CRACDL: variants seen among roughly 807,000 people sequenced by gnomAD.
The protein encoded by CRACDL is CRACD-like protein.
CRACDL carries 26 observed loss-of-function variants against 70.6 expected under a neutral mutation model. That is an observed-to-expected ratio of 0.37 (90% confidence interval 0.27 to 0.51). The LOEUF is 0.51. Among genes scored for constraint, CRACDL ranks in the 20% least tolerant of loss-of-function variants. The probability of loss-of-function intolerance (pLI) is 0.94; values close to 1 mark genes in which losing one functional copy is unlikely to be tolerated. For missense variants in CRACDL, 1,283 were observed against 1,376.9 expected (o/e 0.93, Z 1.08); for synonymous variants, 618 against 615.2 (o/e 1.00, Z -0.07).
In CRACDL at chr2:98,907,849, G is replaced by C. The variant is rs76237320; in HGVS notation, c.-11+28089C>G. On this transcript the variant is annotated intron_variant, in intron 1 of 9. Transcript: ENST00000397899. The stretch of plus-strand genomic sequence containing the variant: ...TGATTACATTTTAAAAGGTGACTCT[G>C]GTTGCTGCATAGAAGAAACTGCCAG... Among the ~76,000 whole-genome samples, 559 of 152,314 alleles carry C rather than the reference G, an allele frequency of 3.7e-3. 19 individuals are homozygous for C. In the East Asian group the frequency reaches 0.074, roughly 20 times the overall value.
intron 2 of CRACDL, among the ~76,000 whole-genome samples, chr2:98,844,116 T>C (rs1165315220): frequency 6.6e-6 from 1 of 152,216 alleles, no homozygotes; most frequent in Non-Finnish European, 1.5e-5. Flanking sequence ...ATGTCTGTCT[T>C]CCATAACTGA....
intron 1 of CRACDL, among the ~76,000 whole-genome samples, chr2:98,915,502 G>C (rs915255799): frequency 6.6e-6 from 1 of 152,158 alleles, no homozygotes; most frequent in South Asian, 2.1e-4. Flanking sequence ...GGAGCTGCCT[G>C]GGTCTGTGCT....
chr2:98,827,870 G>A (rs2104486471), intron 5 of CRACDL, among the ~76,000 whole-genome samples: 1 of 152,292 alleles, frequency 6.6e-6, no homozygotes, highest in Middle Eastern at 3.4e-3. Flanking sequence ...AGGTTCAGAG[G>A]TGTGACTTTA....
At chr2:98,918,767 C>T (rs1708729860) in intron 1 of CRACDL, among the ~76,000 whole-genome samples, 2 of 151,844 alleles carry the variant, frequency 1.3e-5, no homozygotes, top group Admixed American at 1.3e-4. Flanking sequence ...TGTCCTTTGC[C>T]CATGTTTTAA....
chr2:98,935,002 A>G (rs1709171008), intron 1 of CRACDL, among the ~76,000 whole-genome samples: 1 of 152,144 alleles, frequency 6.6e-6, no homozygotes, highest in Admixed American at 6.5e-5. Context: ...TAACCTCAAT[A>G]GGTTCTTAGG....
chr2:98,901,949 C>T (rs909272713), intron 1 of CRACDL, among the ~76,000 whole-genome samples: 1 of 151,964 alleles, frequency 6.6e-6, no homozygotes, highest in Admixed American at 6.6e-5. Context: ...AGAGAAGCTG[C>T]GAACAAAGGT....
At chr2:98,812,526 TTAA>T (rs1244912931) in intron 7 of CRACDL, among the ~76,000 whole-genome samples, 2 of 152,324 alleles carry the variant, frequency 1.3e-5, no homozygotes, top group East Asian at 3.9e-4. Context: ...AATGGTATTA[TTAA>T]TATTTTTTGT....
Position 98,846,744 on chromosome 2 carries a change from C to T in CRACDL, c.57G>A (p.Gly19=). ...IKLREAAEGL[G]EDSTGKKKSK... is the part of the protein sequence containing the mutation. Reference sequence around the variant, plus strand: ...GCAGGGCCTTACCTGTGCTGTCCTCCCCAAGGCCTTCTGCAGCCTCCCGAA... The same window carrying T: ...GCAGGGCCTTACCTGTGCTGTCCTCTCCAAGGCCTTCTGCAGCCTCCCGAA... The change falls in exon 2 of 10, where the codon GGG becomes GGA. Residue 19 remains glycine (G), a synonymous_variant. Coordinates refer to ENST00000397899, the MANE Select transcript of CRACDL (RefSeq NM_207362.3). 5 of 1,614,132 alleles carry T rather than the reference C, an allele frequency of 3.1e-6. No individual in the cohort carries two copies. The highest frequency in any genetic ancestry group is 4.2e-6 in the Non-Finnish European group (5 of 1,179,934).
chr2:98,909,046 A>G (rs571832088), intron 1 of CRACDL, among the ~76,000 whole-genome samples: 2 of 152,354 alleles, frequency 1.3e-5, no homozygotes, highest in South Asian at 2.1e-4. Context: ...TACAGGATGT[A>G]TAAATGCGTC....
chr2:98,798,460 A>AT (rs1703934069), intron 7 of CRACDL, among the ~76,000 whole-genome samples: 6 of 149,734 alleles, frequency 4.0e-5, no homozygotes, highest in African/African-American at 7.3e-5. Flanking sequence ...AAAAAAAAAA[A>AT]AAAAAAAAAA....
Position 98,822,554 on chromosome 2 carries a change from C to T in CRACDL, c.1719G>A (p.Lys573=). ...RGGAELRGAK[K]FSVSSCRARP... is the part of the protein sequence containing the mutation. ...GCGCTCGGCACGAGGACACCGAGAA[C>T]TTCTTCGCGCCTCGCAGCTCGGCAC... is the stretch of plus-strand genomic sequence containing the variant. The change falls in exon 7 of 10, where the codon AAG becomes AAA. Residue 573 remains lysine, a synonymous_variant. Coordinates refer to ENST00000397899, the MANE Select transcript of CRACDL (RefSeq NM_207362.3). This position sits in a 1 kb window ranked among gnomAD's most constrained non-coding sequence, Gnocchi z 4.9. 6.1e-6 allele frequency: 9 copies of T among 1,466,938 alleles called. No homozygotes were observed. Among genetic ancestry groups the T allele is most frequent in the Non-Finnish European group, 8.1e-6 (9 of 1,117,014 alleles). 90.9% of individuals were successfully genotyped at this position (1,466,938 alleles called of 1,614,324 possible).
intron 1 of CRACDL, among the ~76,000 whole-genome samples, chr2:98,848,008 C>A (rs1279956300): frequency 6.6e-6 from 1 of 152,160 alleles, no homozygotes; most frequent in Non-Finnish European, 1.5e-5. Flanking sequence ...AATGTTCATA[C>A]AATTTGGCTT....
At chr2:98,881,308 G>A (rs1005123356) in intron 1 of CRACDL, among the ~76,000 whole-genome samples, 1 of 152,136 alleles carries the variant, frequency 6.6e-6, no homozygotes, top group African/African-American at 2.4e-5. Context: ...GGAGCAGGTC[G>A]GAGATGCAGA....
chr2:98,802,035 C>T (rs1400795443), intron 7 of CRACDL, among the ~76,000 whole-genome samples: 1 of 152,256 alleles, frequency 6.6e-6, no homozygotes, highest in African/African-American at 2.4e-5. Context: ...CAGCCTCTTG[C>T]AGGGTCAGGC....
At chr2:98,934,447 G>A (rs1387615096) in intron 1 of CRACDL, among the ~76,000 whole-genome samples, 6 of 151,964 alleles carry the variant, frequency 3.9e-5, no homozygotes, top group South Asian at 2.1e-4. Flanking sequence ...CACCTGCCTC[G>A]GCCTCCCAAA....
At chr2:98,898,456 G>C (rs1417419680) in intron 1 of CRACDL, among the ~76,000 whole-genome samples, 1 of 152,270 alleles carries the variant, frequency 6.6e-6, no homozygotes, top group Non-Finnish European at 1.5e-5. Context: ...AGGGTGACCA[G>C]CCAGCTCTTC....
At position 98,794,570 on chromosome 2, in the gene CRACDL, A is replaced by C. The variant is rs778464030; in HGVS notation, c.2851T>G (p.Ser951Ala). The C allele has an allele frequency of 4.7e-5, 76 of 1,613,818 alleles. No homozygotes were observed. Among genetic ancestry groups the C allele is most frequent in the Non-Finnish European group, 5.8e-5 (69 of 1,179,914 alleles). Residue 951 changes from serine to alanine, a missense_variant, in exon 10 of 10, where the codon TCT (serine) becomes GCT (alanine). Physicochemically the swap from Ser to Ala is moderately conservative, Grantham distance 99 (BLOSUM62 1). Coordinates refer to ENST00000397899, the MANE Select transcript of CRACDL (RefSeq NM_207362.3). ...PSWMELARKK[S>A]QAWSDMPQII... ...TGGGGCATGTCACTCCAAGCTTGAGATTTCTTTCTGGCAAGTTCCATCCAG... is the reference window on the plus strand; with the variant it reads ...TGGGGCATGTCACTCCAAGCTTGAGCTTTCTTTCTGGCAAGTTCCATCCAG...
chr2:98,811,710 C>T (rs541044572), intron 7 of CRACDL, among the ~76,000 whole-genome samples: 1 of 152,198 alleles, frequency 6.6e-6, no homozygotes, highest in Admixed American at 6.5e-5. Flanking sequence ...CCTCCTACTC[C>T]CAACCCCTGG....
At chr2:98,930,839 C>T (rs1171655965) in intron 1 of CRACDL, among the ~76,000 whole-genome samples, 4 of 152,150 alleles carry the variant, frequency 2.6e-5, no homozygotes, top group Non-Finnish European at 5.9e-5. Context: ...AACAAATGCC[C>T]TTTAACCGTC....
Sources: gnomAD v4.1 joint callset for allele counts (sites outside exome capture counted in the v4.1 genomes callset) on GRCh38, gnomAD v4.1.1 for gene constraint, Gnocchi (gnomAD v3.1) non-coding constraint, MANE v1.5 for transcripts, NCBI Gene and HGNC (gene_info 2026-07-23, HGNC 2026-07-21) for gene names.